The following CC2D2A variants were observed in gnomAD, a reference collection of about 807,000 sequenced individuals.
CC2D2A encodes the protein coiled-coil and C2 domain containing 2A, also known as coiled-coil and C2 domain-containing protein 2A.
CC2D2A carries 155 observed loss-of-function variants against 212.9 expected under a neutral mutation model. The observed-to-expected ratio is 0.73, with a 90% CI of 0.64 to 0.83. CC2D2A has a LOEUF of 0.83. Among genes scored for constraint, CC2D2A ranks in the 40% least tolerant of loss-of-function variants. The pLI, the probability that CC2D2A is intolerant of heterozygous loss-of-function variation, is 0.00. For synonymous variants in CC2D2A, 667 were observed against 686.5 expected, an observed-to-expected ratio of 0.97 and a Z score of 0.44; for missense variants, 1,856 against 1,956.2, an observed-to-expected ratio of 0.95 and a Z score of 0.97.
intron 3 of CC2D2A, among the ~76,000 whole-genome samples, 175 bp downstream of exon 3, chr4:15,478,981 C>A (rs1413150841): frequency 6.6e-6 from 1 of 152,050 alleles, no homozygotes; most frequent in African/African-American, 2.4e-5. Context: ...GGTGCAGGAG[C>A]CTGATTCAGA....
At chr4:15,600,915 A>AAAG (rs1553845801) in intron 36 of CC2D2A, among the ~76,000 whole-genome samples, 1 of 129,362 alleles carries the variant, frequency 7.7e-6, no homozygotes, top group Admixed American at 7.4e-5. Flanking sequence ...AAAAAAAAAA[A>AAAG]AAAAAAGAAA....
chr4:15,599,796 C>T (rs1366988138), intron 36 of CC2D2A, 90 bp downstream of exon 36: 2 of 964,220 alleles, frequency 2.1e-6, no homozygotes, highest in Non-Finnish European at 3.0e-6. Flanking sequence ...ATCAAAAGAC[C>T]CACGTTGCTC....
chr4:15,580,091 T>C lies in CC2D2A; in HGVS notation c.3895T>C (p.Phe1299Leu). 6.2e-7 allele frequency: 1 copy of C among 1,613,970 alleles called. No homozygotes were observed. The highest frequency in any genetic ancestry group is 1.1e-5 in the South Asian group (1 of 91,086). ...TVIDISGKTV[F>L]ITRYLKPLNP... is the part of the protein sequence containing the mutation. ...AATTGATATAAGCGGAAAAACTGTT[T>C]TTATCACACGTTATCTCAAACCTTT... The change falls in exon 30 of 37, where the codon TTT (phenylalanine) becomes CTT (leucine). Residue 1299 changes from phenylalanine to leucine, a missense_variant. By Grantham distance (22) the Phe-to-Leu change is conservative. Around this residue, in one of 5 missense-constraint regions of CC2D2A, gnomAD observed 1,512 missense variants for 1,579.3 expected, o/e 0.96. Coordinates refer to ENST00000424120, the MANE Select transcript of CC2D2A (RefSeq NM_001378615.1).
intron 1 of CC2D2A, among the ~76,000 whole-genome samples, chr4:15,471,845 A>G (rs548072869): frequency 3.9e-5 from 6 of 152,316 alleles, no homozygotes; most frequent in African/African-American, 1.2e-4. Flanking sequence ...GATGCGTTGT[A>G]TCTCAACCTC....
chr4:15,555,187 GC>G lies in CC2D2A; in HGVS notation c.2606del (p.Pro869LeufsTer2), dbSNP rs1313901307. ...SKLDPNDPNN[A>X]PLMQLISVAT... ...GCTCGACCCAAATGACCCCAACAATGCCCCTTTGATGCAGCTTATCTCGGTA... is the reference window on the plus strand; with the variant it reads ...GCTCGACCCAAATGACCCCAACAATGCCCTTTGATGCAGCTTATCTCGGTA... On this transcript the variant is annotated frameshift_variant, in exon 20 of 37. Transcript: ENST00000424120. LOFTEE classifies it high-confidence loss of function. The G allele has an allele frequency of 1.2e-6, 2 of 1,613,574 alleles. No homozygotes were observed. Among genetic ancestry groups the G allele is most frequent in the Non-Finnish European group, 1.7e-6 (2 of 1,179,768 alleles).
chr4:15,511,583 T>A (rs563545817), intron 8 of CC2D2A, 160 bp downstream of exon 8: 45 of 576,796 alleles, frequency 7.8e-5, no homozygotes, highest in African/African-American at 7.7e-4. Context: ...TTCACATGGC[T>A]CCCTGTAGCT....
At chr4:15,526,317 C>T (rs1203077855) in intron 11 of CC2D2A, among the ~76,000 whole-genome samples, 3 of 152,188 alleles carry the variant, frequency 2.0e-5, no homozygotes, top group African/African-American at 7.2e-5. Context: ...CCTATTTCTA[C>T]ACATGAAAAA....
intron 17 of CC2D2A, among the ~76,000 whole-genome samples, chr4:15,545,131 A>T (rs1199041399): frequency 6.6e-6 from 1 of 152,186 alleles, no homozygotes; most frequent in East Asian, 1.9e-4. Context: ...TAGTCATAGT[A>T]AGTACTCTGC....
chr4:15,484,857 T>C (rs1160258904), intron 4 of CC2D2A, among the ~76,000 whole-genome samples: 1 of 152,100 alleles, frequency 6.6e-6, no homozygotes, highest in East Asian at 1.9e-4. Flanking sequence ...GATCTGGTGG[T>C]TGGGGAGAGG....
intron 11 of CC2D2A, among the ~76,000 whole-genome samples, chr4:15,524,325 A>G (rs1033053973): frequency 1.3e-5 from 2 of 150,684 alleles, no homozygotes; most frequent in Non-Finnish European, 2.9e-5. Flanking sequence ...TAGAGACGGG[A>G]TTTCACCATC....
chr4:15,599,568 G>A lies in CC2D2A; in HGVS notation c.4536G>A (p.Arg1512=). Residue 1512 remains arginine, a synonymous_variant, in exon 36 of 37, where the codon AGG becomes AGA. Transcript: ENST00000424120. ...KILKEKIMDW[R]PRHLTRWNRY... ...TAAAAGAAAAAATCATGGACTGGAGGCCACGCCATCTGACTCGGTGGAATA... is the reference window on the plus strand; with the variant it reads ...TAAAAGAAAAAATCATGGACTGGAGACCACGCCATCTGACTCGGTGGAATA... The A allele has an allele frequency of 6.3e-7, 1 of 1,594,530 alleles. No individual in the cohort carries two copies.
chr4:15,546,974 G>A (rs976333466), intron 17 of CC2D2A, among the ~76,000 whole-genome samples: 16 of 151,878 alleles, frequency 1.1e-4, no homozygotes, highest in Admixed American at 6.6e-4. Context: ...GTGTTATCCC[G>A]AAGAAAGCCA....
chr4:15,475,623 C>T (rs570864962), intron 1 of CC2D2A, among the ~76,000 whole-genome samples: 2 of 152,198 alleles, frequency 1.3e-5, no homozygotes, highest in South Asian at 2.1e-4. Context: ...GGGGCAGTAG[C>T]GGAGATGAGC....
rs368498185 is a variant in CC2D2A at position 15,586,165 on chromosome 4, G to A, written c.3984G>A (p.Val1328=). Residue 1328 remains valine, a synonymous_variant, in exon 31 of 37, where the codon GTG becomes GTA. Transcript: ENST00000424120. Reference sequence around the variant, plus strand: ...TCATTTTGATTATACAGGAACTGGTGGCTCGATATGTGTCCTTGATTCCCT... The same window carrying A: ...TCATTTTGATTATACAGGAACTGGTAGCTCGATATGTGTCCTTGATTCCCT... ...PNNLQATAEL[V]ARYVSLIPFL... 10 of 1,609,600 alleles carry A rather than the reference G, an allele frequency of 6.2e-6. No individual in the cohort carries two copies. The highest frequency in any genetic ancestry group is 8.5e-6 in the Non-Finnish European group (10 of 1,176,864).
In CC2D2A at chr4:15,559,248, C is replaced by A. The variant is rs1458756396; in HGVS notation, c.2913C>A (p.Tyr971Ter). The change falls in exon 22 of 37, where the codon TAC (tyrosine) becomes TAA (stop). Residue 971 changes from tyrosine to a stop codon, truncating the protein, a stop_gained. Transcript: ENST00000424120. LOFTEE classifies it high-confidence loss of function. Reference protein sequence around the residue: ...IDTHRAIVAKYLQQVRESVIN... With the variant: ...IDTHRAIVAK ...CCCATAGGGCCATAGTAGCCAAGTA[C>A]CTCCAGCAGGTAAGAAAAATCATAT... 2 of 1,547,472 alleles carry A rather than the reference C, an allele frequency of 1.3e-6. No homozygotes were observed. The highest frequency in any genetic ancestry group is 1.7e-6 in the Non-Finnish European group (2 of 1,143,102).
intron 33 of CC2D2A, among the ~76,000 whole-genome samples, chr4:15,590,096 T>C (rs1467696335): frequency 6.6e-6 from 1 of 152,210 alleles, no homozygotes; most frequent in East Asian, 1.9e-4. Flanking sequence ...TCTCTCTTTC[T>C]TTTTTCAAAG....
At chr4:15,470,678 TC>T (rs1713701279) in intron 1 of CC2D2A, among the ~76,000 whole-genome samples, 10 of 61,834 alleles carry the variant, frequency 1.6e-4, no homozygotes, top group African/African-American at 6.2e-4. Flanking sequence ...TCTCTCTCTC[TC>T]TCTCTCTCTC....
chr4:15,580,113 C>T lies in CC2D2A; in HGVS notation c.3917C>T (p.Pro1306Leu). ...KTVFITRYLKPLNPPQELLNV... is the reference protein window; with the variant it reads ...KTVFITRYLKLLNPPQELLNV... ...GTTTTTATCACACGTTATCTCAAAC[C>T]TTTAAACCCTCCTCAGGAGCTCCTT... The change falls in exon 30 of 37, where the codon CCT becomes CTT. Residue 1306 changes from proline (P) to leucine (L), a missense_variant. Transcript: ENST00000424120. The T allele has an allele frequency of 6.2e-7, 1 of 1,613,868 alleles. No homozygotes were observed. Among genetic ancestry groups the T allele is most frequent in the Non-Finnish European group, 8.5e-7 (1 of 1,179,846 alleles).
At chr4:15,596,294 T>TA in intron 34 of CC2D2A, 87 bp downstream of exon 34, 1 of 1,260,334 alleles carries the variant, frequency 7.9e-7, no homozygotes, top group Non-Finnish European at 1.0e-6. Flanking sequence ...TACCCCTGGG[T>TA]AGTCTAGAAC....
Sources: gnomAD v4.1 joint callset for allele counts (sites outside exome capture counted in the v4.1 genomes callset) on GRCh38, gnomAD v4.1.1 for gene constraint, gnomAD v4.1.1 regional missense constraint, MANE v1.5 for transcripts, NCBI Gene and HGNC (gene_info 2026-07-23, HGNC 2026-07-21) for gene names.